The following DIP2B variants were observed in gnomAD, a reference collection of about 807,000 sequenced individuals.
DIP2B encodes disco-interacting protein 2 homolog B.
In DIP2B, 76 loss-of-function variants were observed where a neutral mutation model predicts 198.0. That is an observed-to-expected ratio of 0.38 (90% CI 0.32 to 0.46). The LOEUF (loss-of-function observed/expected upper bound fraction) is 0.46, where lower values mean the gene tolerates loss of function less well. Ranked by LOEUF, DIP2B falls within the 20% of genes least tolerant of loss-of-function variation. The pLI is 0.99. For missense variants in DIP2B, 1,559 were observed against 1,978.4 expected, an observed-to-expected ratio of 0.79 and a Z score of 4.02; for synonymous variants, 701 against 739.1, an observed-to-expected ratio of 0.95 and a Z score of 0.84.
At chr12:50,711,428 T>TA (rs1234381486) in intron 22 of DIP2B, among the ~76,000 whole-genome samples, 6 of 152,168 alleles carry the variant, frequency 3.9e-5, no homozygotes, top group East Asian at 3.9e-4. Context: ...CTGTGTATTC[T>TA]AAAAAAAACA....
intron 4 of DIP2B, 52 bp downstream of exon 4, chr12:50,660,371 G>A (rs1255015345): frequency 1.3e-6 from 2 of 1,514,078 alleles, no homozygotes; most frequent in African/African-American, 1.4e-5. Flanking sequence ...TGATGTTCCT[G>A]AAATAAGTTC....
At chr12:50,630,005 A>G (rs1216355177) in intron 2 of DIP2B, among the ~76,000 whole-genome samples, 1 of 147,304 alleles carries the variant, frequency 6.8e-6, no homozygotes, top group African/African-American at 2.5e-5. Flanking sequence ...GCTGGAGTGC[A>G]GTGGCGCGAT....
intron 1 of DIP2B, among the ~76,000 whole-genome samples, chr12:50,526,914 G>A (rs1958171395): frequency 6.6e-6 from 1 of 152,102 alleles, no homozygotes; most frequent in African/African-American, 2.4e-5. Flanking sequence ...GGGATTACAG[G>A]CGTGAGCCAC....
At chr12:50,742,869 C>T (rs1940277783) in intron 37 of DIP2B, among the ~76,000 whole-genome samples, 1 of 151,888 alleles carries the variant, frequency 6.6e-6, no homozygotes, top group African/African-American at 2.4e-5. Flanking sequence ...GTACTCCAGC[C>T]TGGGCAACAG....
intron 28 of DIP2B, among the ~76,000 whole-genome samples, chr12:50,726,476 G>T (rs1472190024): frequency 6.6e-6 from 1 of 151,420 alleles, no homozygotes; most frequent in Non-Finnish European, 1.5e-5. Context: ...TCAGCCTCCC[G>T]AGTAGCTGGG....
rs1326694541 is a variant in DIP2B at position 50,734,032 on chromosome 12, AGT to A, written c.3982-99_3982-98del. 2.5e-6 allele frequency: 3 copies of A among 1,207,246 alleles called. No homozygotes were observed. The East Asian group carries it at 7.0e-5, about 28-fold the overall frequency. The allele number at this position is 1,207,246 out of a possible 1,614,324, so 74.8% of individuals were successfully genotyped here. ...TCTCAAGGGGAGGAGAGGTGAAAAG[AGT>A]GTGGATTTTTCATGTATATGGCTAA... On this transcript the variant is annotated intron_variant, in intron 32 of 37. Transcript: ENST00000301180.
intron 1 of DIP2B, among the ~76,000 whole-genome samples, chr12:50,520,368 A>G (rs1958106576): frequency 6.6e-6 from 1 of 152,168 alleles, no homozygotes; most frequent in African/African-American, 2.4e-5. Context: ...CAACCCAGCA[A>G]GGAATTGTTA....
intron 22 of DIP2B, among the ~76,000 whole-genome samples, chr12:50,713,531 G>T (rs1233395827): frequency 6.6e-6 from 1 of 152,200 alleles, no homozygotes; most frequent in African/African-American, 2.4e-5. Flanking sequence ...ACATGGCTGC[G>T]AGCACAGGTA....
chr12:50,694,655 T>TC (rs1340480350), intron 14 of DIP2B, among the ~76,000 whole-genome samples: 30 of 1,196 alleles, frequency 0.025, no homozygotes, highest in South Asian at 0.5. Flanking sequence ...CCCCTGTCTC[T>TC]TTTTTTTTTT....
intron 1 of DIP2B, among the ~76,000 whole-genome samples, chr12:50,562,286 G>A (rs1463878042): frequency 1.3e-5 from 2 of 152,096 alleles, no homozygotes; most frequent in African/African-American, 2.4e-5. Context: ...GTGAGGGAGT[G>A]TGTATGGTAA....
chr12:50,727,962 T>A (rs952692752), intron 29 of DIP2B, 150 bp downstream of exon 29: 3 of 628,302 alleles, frequency 4.8e-6, no homozygotes, highest in African/African-American at 3.7e-5. Flanking sequence ...AATAAAGGCA[T>A]TGGCTCCTCT....
At chr12:50,684,716 C>T (rs1031211353) in intron 10 of DIP2B, among the ~76,000 whole-genome samples, 9 of 152,010 alleles carry the variant, frequency 5.9e-5, no homozygotes, top group African/African-American at 1.9e-4. Flanking sequence ...CGCTTGAACC[C>T]GGGAGGTGGA....
intron 12 of DIP2B, among the ~76,000 whole-genome samples, chr12:50,688,408 T>G (rs189901065): frequency 2.4e-4 from 37 of 152,158 alleles, no homozygotes; most frequent in African/African-American, 8.4e-4. Context: ...TCCCAGTATT[T>G]TGGGAGGCTG....
chr12:50,537,115 T>C (rs1300617359), intron 1 of DIP2B, among the ~76,000 whole-genome samples: 2 of 19,508 alleles, frequency 1.0e-4, no homozygotes, highest in African/African-American at 2.9e-4. Flanking sequence ...TATTCTCTAA[T>C]TTTTTTTTTT....
rs571614229 is a variant in DIP2B at position 50,539,114 on chromosome 12, C to T, written c.100+33874C>T. The stretch of plus-strand genomic sequence containing the variant: ...TTGAATGTAGCCCACTTGAATACTT[C>T]GGAAGCTTTTAGGGTTTGCTTTTTG... On this transcript the variant is annotated intron_variant, in intron 1 of 37. Transcript: ENST00000301180. Among the ~76,000 whole-genome samples the T allele has an allele frequency of 1.9e-3, 285 of 152,174 alleles. 1 individual carries two copies. The highest frequency in any genetic ancestry group is 6.1e-3 in the African/African-American group (252 of 41,504).
At chr12:50,564,468 G>T (rs1225528624) in intron 1 of DIP2B, among the ~76,000 whole-genome samples, 1 of 152,138 alleles carries the variant, frequency 6.6e-6, no homozygotes, top group Non-Finnish European at 1.5e-5. Context: ...TTCAGAAATA[G>T]GAAACAGAAA....
chr12:50,651,348 C>T (rs968161155), intron 3 of DIP2B, among the ~76,000 whole-genome samples: 6 of 152,064 alleles, frequency 3.9e-5, no homozygotes, highest in African/African-American at 1.4e-4. Context: ...TCTTATTTGC[C>T]TATTTTTGCT....
At chr12:50,643,530 A>G (rs549176492) in intron 3 of DIP2B, among the ~76,000 whole-genome samples, 9 of 151,840 alleles carry the variant, frequency 5.9e-5, no homozygotes, top group Admixed American at 5.3e-4. Flanking sequence ...CCCTGAAGAT[A>G]TTGAAAGCTA....
At position 50,576,366 on chromosome 12, in the gene DIP2B, A is replaced by AT. The variant is rs757139522; in HGVS notation, c.101-49598dup. Among the ~76,000 whole-genome samples the AT allele has an allele frequency of 4.9e-3, 739 of 149,888 alleles. 5 individuals carry two copies. The highest frequency in any genetic ancestry group is 0.017 in the African/African-American group (687 of 40,952). On this transcript the variant is annotated intron_variant, in intron 1 of 37. Transcript: ENST00000301180. ...ACAGATGTGAGCCACTGCACCCAGC[A>AT]TTTTTTTTTTTTACATTTTTAAATG...
Sources: allele counts gnomAD v4.1 joint callset (sites outside exome capture counted in the v4.1 genomes callset), GRCh38; gene constraint gnomAD v4.1.1; transcripts MANE v1.5; gene names NCBI Gene and HGNC (gene_info 2026-07-23, HGNC 2026-07-21).